Variants in MAP3K4 observed in about 807,000 individuals in gnomAD.
The protein encoded by MAP3K4 is MAP three kinase 1.
Under a neutral mutation model 185.6 loss-of-function variants are expected in MAP3K4, and 67 were observed. The ratio of observed to expected loss-of-function variants is 0.36; its 90% CI spans 0.30 to 0.44. The LOEUF (loss-of-function observed/expected upper bound fraction) is 0.44, where lower values mean the gene tolerates loss of function less well. Ranked by LOEUF, MAP3K4 falls within the 20% of genes least tolerant of loss-of-function variation. MAP3K4 has a pLI of 1.00. For synonymous variants in MAP3K4, 702 were observed against 710.4 expected (o/e 0.99, Z 0.19); for missense variants, 1,551 against 1,995.1 (o/e 0.78, Z 4.24).
chr6:160,995,619 C>T (rs1333574120), intron 1 of MAP3K4, among the ~76,000 whole-genome samples: 2 of 152,168 alleles, frequency 1.3e-5, no homozygotes, highest in Admixed American at 6.5e-5. Flanking sequence ...TACTTTTGTC[C>T]TTATTTTTGA....
chr6:161,029,631 A>C (rs909793235), intron 1 of MAP3K4, among the ~76,000 whole-genome samples: 3 of 152,236 alleles, frequency 2.0e-5, no homozygotes, highest in Non-Finnish European at 4.4e-5. Flanking sequence ...CAAATGTTTC[A>C]GGGCAGCTGA....
chr6:161,107,889 T>C lies in MAP3K4; in HGVS notation c.4049-10T>C. 2.5e-6 allele frequency: 4 copies of C among 1,612,636 alleles called. No homozygotes were observed. Among genetic ancestry groups the C allele is most frequent in the Non-Finnish European group, 3.4e-6 (4 of 1,178,824 alleles). ...TGGCTGGAAGTGCAGCTTGTTTGCATTGTTCACAGGAGAAGGCCAGTATGG... is the reference window on the plus strand; with the variant it reads ...TGGCTGGAAGTGCAGCTTGTTTGCACTGTTCACAGGAGAAGGCCAGTATGG... On this transcript the variant is annotated splice_polypyrimidine_tract_variant and intron_variant, in intron 20 of 26. Coordinates refer to ENST00000392142, the MANE Select transcript of MAP3K4 (RefSeq NM_005922.4). The surrounding 1 kb of genome is among the most constrained non-coding windows in gnomAD (Gnocchi z 6.2).
rs1175628806 is a variant in MAP3K4, at chr6:160,992,025, C to T, written c.94C>T (p.Pro32Ser). The T allele has an allele frequency of 1.2e-5, 18 of 1,559,990 alleles. No homozygotes were observed. The highest frequency in any genetic ancestry group is 5.5e-5 in the Admixed American group (3 of 54,766). The part of the protein sequence containing the change: ...MEEPPPPPPP[P>S]PPPPEPETES... ...GGAGCCGCCGCCACCGCCGCCGCCG[C>T]CACCACCGCCACCGGAACCCGAGAC... Residue 32 changes from proline (P) to serine (S), a missense_variant, in exon 1 of 27, where the codon CCA becomes TCA. By Grantham distance (74) the Pro-to-Ser change is moderately conservative. Around this residue, in one of 16 missense-constraint regions of MAP3K4, gnomAD observed 287 missense variants for 268.8 expected, o/e 1.07. Transcript: ENST00000392142.
rs78288496 is a variant in MAP3K4 at position 160,996,589 on chromosome 6, T to C, written c.152+4506T>C. On this transcript the variant is annotated intron_variant, in intron 1 of 26. Transcript: ENST00000392142. The surrounding 1 kb of genome is among the most constrained non-coding windows in gnomAD (Gnocchi z 4.5). ...TAGTATGTATGCTGTTTGAAGACTC[T>C]TTAACGTTGCCTATCAGTAGGCTAC... is the stretch of plus-strand genomic sequence containing the variant. 0.038 allele frequency among the ~76,000 whole-genome samples: 5,843 copies of C among 152,312 alleles called. 151 individuals are homozygous for C. The highest frequency in any genetic ancestry group is 0.07 in the South Asian group (339 of 4,830).
At chr6:161,004,503 A>G (rs967727506) in intron 1 of MAP3K4, among the ~76,000 whole-genome samples, 3 of 152,194 alleles carry the variant, frequency 2.0e-5, no homozygotes, top group Non-Finnish European at 4.4e-5. Context: ...TCTTTTTTTA[A>G]AAGGTGAAAG....
chr6:161,050,049 G>C, intron 3 of MAP3K4, 70 bp downstream of exon 3: 1 of 1,408,616 alleles, frequency 7.1e-7, no homozygotes, highest in Non-Finnish European at 9.6e-7. Flanking sequence ...TTATAATGTT[G>C]GTGTTATGTA....
In MAP3K4 at chr6:161,109,161, T is replaced by C; in HGVS notation, c.4236+302T>C. ...CTTCTTGTGACTTTTTTTCCGTTTT[T>C]TTGCTGAACCACTGTTGAGTACACT... On this transcript the variant is annotated intron_variant, in intron 22 of 26. Coordinates refer to ENST00000392142, the MANE Select transcript of MAP3K4 (RefSeq NM_005922.4). The surrounding 1 kb of genome is among the most constrained non-coding windows in gnomAD (Gnocchi z 5.7). 1.7e-6 allele frequency: 1 copy of C among 592,050 alleles called. No individual in the cohort carries two copies. Among genetic ancestry groups the C allele is most frequent in the Non-Finnish European group, 2.9e-6 (1 of 340,970 alleles). The allele number at this position is 592,050 out of a possible 1,614,324, so 36.7% of individuals were successfully genotyped here. A position where few individuals can be genotyped will look rare whatever the true frequency, so the allele number is the denominator to read the frequency against.
Position 161,034,578 on chromosome 6 carries a change from T to TA in MAP3K4, c.343+129_343+130insA. On this transcript the variant is annotated intron_variant, in intron 2 of 26. Transcript: ENST00000392142. This position sits in a 1 kb window ranked among gnomAD's most constrained non-coding sequence, Gnocchi z 4.4. ...AATGCTCCTGTAAAGTTCAATTTTTTTTTGAATTATTACCATTAGTATTAA... is the reference window on the plus strand; with the variant it reads ...AATGCTCCTGTAAAGTTCAATTTTTTATTTGAATTATTACCATTAGTATTAA... 1 of 733,342 alleles carries TA rather than the reference T, an allele frequency of 1.4e-6. No individual in the cohort carries two copies. The allele number at this position is 733,342 out of a possible 1,614,324, so 45.4% of individuals were successfully genotyped here.
At chr6:160,995,155 G>C (rs961746853) in intron 1 of MAP3K4, among the ~76,000 whole-genome samples, 1 of 152,074 alleles carries the variant, frequency 6.6e-6, no homozygotes, top group Admixed American at 6.5e-5. Context: ...CAGGAGTAAG[G>C]TGGTATCTCA....
In MAP3K4 at chr6:161,110,045, G is replaced by A. The variant is rs774831822; in HGVS notation, c.4396+131G>A. 3.2e-5 allele frequency: 29 copies of A among 916,366 alleles called. No individual in the cohort carries two copies. Among genetic ancestry groups the A allele is most frequent in the South Asian group, 9.7e-5 (6 of 62,052 alleles). The allele number at this position is 916,366 out of a possible 1,614,324, so 56.8% of individuals were successfully genotyped here. On this transcript the variant is annotated intron_variant, in intron 23 of 26. Transcript: ENST00000392142. This position sits in a 1 kb window ranked among gnomAD's most constrained non-coding sequence, Gnocchi z 4.8. ...ATGGAAATACCTTTCATTGAAATAC[G>A]CCTCTATAAGGATCCTGTATTCAGA...
chr6:161,113,597 T>TA (rs2114924201), intron 25 of MAP3K4, among the ~76,000 whole-genome samples: 1 of 152,148 alleles, frequency 6.6e-6, no homozygotes, highest in South Asian at 2.1e-4. Flanking sequence ...CTACACATAG[T>TA]AGAGGAAACT....
Position 161,117,125 on chromosome 6 carries a change from T to G in MAP3K4, c.*255T>G. On this transcript the variant is annotated 3_prime_UTR_variant, in exon 27 of 27. Coordinates refer to ENST00000392142, the MANE Select transcript of MAP3K4 (RefSeq NM_005922.4). ...ACTACTGTACACGGACCATCGCCTC[T>G]GTCTCCTCCGTGTCTCGCGCGACTG... 2.1e-6 allele frequency: 1 copy of G among 484,766 alleles called. No homozygotes were observed. The highest frequency in any genetic ancestry group is 3.3e-5 in the East Asian group (1 of 30,022). 30.0% of individuals were successfully genotyped at this position (484,766 alleles called of 1,614,324 possible).
chr6:160,991,944 G>A lies in MAP3K4; in HGVS notation c.13G>A (p.Ala5Thr). Residue 5 changes from alanine (A) to threonine (T), a missense_variant, in exon 1 of 27, where the codon GCT becomes ACT. Around this residue, in one of 16 missense-constraint regions of MAP3K4, gnomAD observed 287 missense variants for 268.8 expected, o/e 1.07. Transcript: ENST00000392142. The surrounding 1 kb of genome is among the most constrained non-coding windows in gnomAD (Gnocchi z 5.7). Reference sequence around the variant, plus strand: ...GCTCCGTGCACGGATGAGAGAAGCCGCTGCCGCGCTGGTCCCTCCTCCCGC... The same window carrying A: ...GCTCCGTGCACGGATGAGAGAAGCCACTGCCGCGCTGGTCCCTCCTCCCGC... MREA[A>T]AALVPPPAFA... The A allele has an allele frequency of 6.5e-7, 1 of 1,541,372 alleles. No individual in the cohort carries two copies. Among genetic ancestry groups the A allele is most frequent in the Non-Finnish European group, 8.7e-7 (1 of 1,151,798 alleles).
intron 7 of MAP3K4, among the ~76,000 whole-genome samples, chr6:161,085,111 A>C (rs1785640361): frequency 6.6e-6 from 1 of 151,292 alleles, no homozygotes. Context: ...ATGCCACTGC[A>C]CTCCAGCCTG....
chr6:161,011,732 A>G (rs543271388), intron 1 of MAP3K4, among the ~76,000 whole-genome samples: 3 of 152,320 alleles, frequency 2.0e-5, no homozygotes, highest in Non-Finnish European at 4.4e-5. Context: ...ATTGAGGAAC[A>G]GTTACTAAAA....
In MAP3K4 at chr6:161,108,893, G is replaced by C. The variant is rs1256830788; in HGVS notation, c.4236+34G>C. 3 of 1,594,332 alleles carry C rather than the reference G, an allele frequency of 1.9e-6. No homozygotes were observed. The highest frequency in any genetic ancestry group is 3.3e-5 in the Admixed American group (2 of 60,002). On this transcript the variant is annotated intron_variant, in intron 22 of 26. Coordinates refer to ENST00000392142, the MANE Select transcript of MAP3K4 (RefSeq NM_005922.4). This position sits in a 1 kb window ranked among gnomAD's most constrained non-coding sequence, Gnocchi z 5.7. ...ACCCTAATGCCACTCTTTGTGTGAG[G>C]AATCAGTGAGGGCACAGAATGGAGT...
At position 161,012,992 on chromosome 6, in the gene MAP3K4, C is replaced by T. The variant is rs1176180601; in HGVS notation, c.152+20909C>T. On this transcript the variant is annotated intron_variant, in intron 1 of 26. Transcript: ENST00000392142. ...CTAGACAACACTGCAGTGAACCTCT[C>T]GGTACATACCACAAGCTTTTCTGGC... Among the ~76,000 whole-genome samples the T allele has an allele frequency of 3.3e-5, 5 of 152,192 alleles. No individual in the cohort carries two copies. The East Asian group carries it at 5.8e-4, about 18-fold the overall frequency.
Position 161,084,564 on chromosome 6 carries a change from C to T in MAP3K4, c.2319C>T (p.Ser773=), listed in dbSNP as rs1485631132. Residue 773 remains serine, a synonymous_variant, in exon 7 of 27, where the codon AGC becomes AGT. Transcript: ENST00000392142. The surrounding 1 kb of genome is among the most constrained non-coding windows in gnomAD (Gnocchi z 4.6). ...GSFLEFGLQE[S]CAEFWTSADD... is the part of the protein sequence containing the mutation. ...TTTTAGAATTTGGCTTACAGGAGAGCTGTGCTGAATTTTGGACTAGTGCGG... is the reference window on the plus strand; with the variant it reads ...TTTTAGAATTTGGCTTACAGGAGAGTTGTGCTGAATTTTGGACTAGTGCGG... 1 of 1,613,120 alleles carries T rather than the reference C, an allele frequency of 6.2e-7. No individual in the cohort carries two copies. The highest frequency in any genetic ancestry group is 1.3e-5 in the African/African-American group (1 of 75,004).
chr6:161,028,603 C>T (rs1782780205), intron 1 of MAP3K4, among the ~76,000 whole-genome samples: 1 of 152,046 alleles, frequency 6.6e-6, no homozygotes, highest in South Asian at 2.1e-4. Context: ...ATGACAGGCT[C>T]CTGCTCTTCA....
Sources: gnomAD v4.1 joint callset for allele counts (sites outside exome capture counted in the v4.1 genomes callset) on GRCh38, gnomAD v4.1.1 for gene constraint, gnomAD v4.1.1 regional missense constraint, Gnocchi (gnomAD v3.1) non-coding constraint, MANE v1.5 for transcripts, NCBI Gene and HGNC (gene_info 2026-07-23, HGNC 2026-07-21) for gene names.